Variants in GAS7 observed in about 807,000 individuals in gnomAD.
The protein encoded by GAS7 is growth arrest-specific protein 7.
A neutral mutation model predicts 71.1 loss-of-function variants in GAS7; 28 were observed. The observed-to-expected ratio is 0.39, with a 90% CI of 0.29 to 0.54. GAS7 has a LOEUF of 0.54. GAS7 is among the 20% of genes least tolerant of loss of function. The probability of loss-of-function intolerance (pLI) is 0.62; values close to 1 mark genes in which losing one functional copy is unlikely to be tolerated. For missense variants in GAS7, 436 were observed against 627.8 expected (o/e 0.69, Z 3.27); for synonymous variants, 258 against 245.8 (o/e 1.05, Z -0.46).
intron 2 of GAS7, among the ~76,000 whole-genome samples, chr17:9,984,493 TGAG>T (rs1031891759): frequency 6.6e-5 from 10 of 152,258 alleles, no homozygotes; most frequent in African/African-American, 2.4e-4. Flanking sequence ...GGGTCTTTTA[TGAG>T]GAGTGACAAG....
rs985291080 is a variant in GAS7 at position 9,911,938 on chromosome 17, G to A, written c.*5290C>T. 7 of 232,016 alleles carry A rather than the reference G, an allele frequency of 3.0e-5. No individual in the cohort carries two copies. Among genetic ancestry groups the A allele is most frequent in the Non-Finnish European group, 5.1e-5 (6 of 117,394 alleles). 14.4% of individuals were successfully genotyped at this position (232,016 alleles called of 1,614,324 possible). A position where few individuals can be genotyped will look rare whatever the true frequency, so the allele number is the denominator to read the frequency against. On this transcript the variant is annotated 3_prime_UTR_variant, in exon 14 of 14. Coordinates refer to ENST00000432992, the MANE Select transcript of GAS7 (RefSeq NM_201433.2). The surrounding 1 kb of genome is among the most constrained non-coding windows in gnomAD (Gnocchi z 4.0). Reference sequence around the variant, plus strand: ...TCTGGCCTTAACTGGGTGTGGTCCTGTCCCTGCCACCATGTACCACCATCC... The same window carrying A: ...TCTGGCCTTAACTGGGTGTGGTCCTATCCCTGCCACCATGTACCACCATCC...
intron 1 of GAS7, among the ~76,000 whole-genome samples, chr17:10,073,792 G>A (rs2073364959): frequency 6.6e-6 from 1 of 152,180 alleles, no homozygotes; most frequent in African/African-American, 2.4e-5. Context: ...ATCTCACCCT[G>A]ACTTTTTTCT....
At chr17:9,966,697 CA>C (rs1356491724) in intron 4 of GAS7, among the ~76,000 whole-genome samples, 1 of 151,992 alleles carries the variant, frequency 6.6e-6, no homozygotes, top group Non-Finnish European at 1.5e-5. Flanking sequence ...CAAACCAGGA[CA>C]AAAAGTAGTA....
chr17:10,061,777 C>T (rs774672853), intron 1 of GAS7, among the ~76,000 whole-genome samples: 7 of 152,114 alleles, frequency 4.6e-5, no homozygotes, highest in South Asian at 2.1e-4. Flanking sequence ...CTGTGCTGGG[C>T]GTTCCCACTC....
chr17:10,174,320 A>G (rs1597835353), intron 1 of GAS7, among the ~76,000 whole-genome samples: 1 of 152,248 alleles, frequency 6.6e-6, no homozygotes, highest in East Asian at 1.9e-4. Flanking sequence ...TAGGGGATGC[A>G]GTCTGTAGAA....
intron 4 of GAS7, among the ~76,000 whole-genome samples, chr17:9,966,808 T>G (rs9914940): frequency 0.029 from 4,460 of 152,270 alleles, 201 homozygotes; most frequent in East Asian, 0.095. Flanking sequence ...GAGGTCACAG[T>G]GATCTACGAT....
chr17:10,151,377 G>A (rs1193736789), intron 1 of GAS7, among the ~76,000 whole-genome samples: 1 of 151,736 alleles, frequency 6.6e-6, no homozygotes, highest in Non-Finnish European at 1.5e-5. Flanking sequence ...CTCAGATGAA[G>A]CCTCTTTTAA....
At position 9,926,906 on chromosome 17, in the gene GAS7, G is replaced by A. The variant is rs1004237149; in HGVS notation, c.886-137C>T. Reference sequence around the variant, plus strand: ...TCTGGGGTAGCGACCTGGCAGGAAGGTGAGAGACACCCCCTGACACGTGGC... The same window carrying A: ...TCTGGGGTAGCGACCTGGCAGGAAGATGAGAGACACCCCCTGACACGTGGC... On this transcript the variant is annotated intron_variant, in intron 9 of 13. Transcript: ENST00000432992. The surrounding 1 kb of genome is among the most constrained non-coding windows in gnomAD (Gnocchi z 5.0). 3 of 858,498 alleles carry A rather than the reference G, an allele frequency of 3.5e-6. No individual in the cohort carries two copies. The South Asian group carries it at 4.5e-5, about 13-fold the overall frequency. The allele number at this position is 858,498 out of a possible 1,614,324, so 53.2% of individuals were successfully genotyped here.
At chr17:9,982,620 C>T (rs4458038) in intron 2 of GAS7, among the ~76,000 whole-genome samples, 45,190 of 151,466 alleles carry the variant, frequency 0.3, 6,979 homozygotes, top group Middle Eastern at 0.35. Flanking sequence ...CTACTAAAAA[C>T]ACAAAAATTA....
chr17:9,963,913 T>C lies in GAS7; in HGVS notation c.472-4658A>G, dbSNP rs1014634837. Reference sequence around the variant, plus strand: ...CATTTAAAACAGTAAGTCAGAAATGTGGTTTAAAATAATCTAGGGGGTGGA... The same window carrying C: ...CATTTAAAACAGTAAGTCAGAAATGCGGTTTAAAATAATCTAGGGGGTGGA... On this transcript the variant is annotated intron_variant, in intron 4 of 13. Coordinates refer to ENST00000432992, the MANE Select transcript of GAS7 (RefSeq NM_201433.2). 9.4e-5 allele frequency among the ~76,000 whole-genome samples: 14 copies of C among 149,366 alleles called. 1 individual carries two copies. In the Middle Eastern group the frequency reaches 0.01, roughly 109 times the overall value.
At position 9,946,989 on chromosome 17, in the gene GAS7, G is replaced by A; in HGVS notation, c.526-6C>T. On this transcript the variant is annotated splice_region_variant and splice_polypyrimidine_tract_variant and intron_variant, in intron 5 of 13. Coordinates refer to ENST00000432992, the MANE Select transcript of GAS7 (RefSeq NM_201433.2). Reference sequence around the variant, plus strand: ...GGGAACGTCACACAGTTTATCTGTAGGGCACAGAACAAGAAAGAATGACCC... The same window carrying A: ...GGGAACGTCACACAGTTTATCTGTAAGGCACAGAACAAGAAAGAATGACCC... The A allele has an allele frequency of 6.2e-7, 1 of 1,603,948 alleles. No individual in the cohort carries two copies. The highest frequency in any genetic ancestry group is 1.7e-5 in the Admixed American group (1 of 59,982).
At chr17:10,003,386 T>C (rs565737560) in intron 2 of GAS7, among the ~76,000 whole-genome samples, 1 of 152,336 alleles carries the variant, frequency 6.6e-6, no homozygotes, top group East Asian at 1.9e-4. Flanking sequence ...AGTGACATTG[T>C]CTGTACCAGT....
chr17:10,004,979 C>T (rs1263726676), intron 2 of GAS7, among the ~76,000 whole-genome samples: 1 of 152,112 alleles, frequency 6.6e-6, no homozygotes, highest in Non-Finnish European at 1.5e-5. Context: ...CATTGCACTC[C>T]AGCCTCGGCG....
At chr17:9,971,755 A>T (rs1169432811) in intron 3 of GAS7, among the ~76,000 whole-genome samples, 3 of 152,190 alleles carry the variant, frequency 2.0e-5, no homozygotes, top group Non-Finnish European at 4.4e-5. Context: ...AGATCTACAC[A>T]CTGATGTCCA....
chr17:9,959,447 G>C lies in GAS7; in HGVS notation c.472-192C>G. 5 of 1,433,820 alleles carry C rather than the reference G, an allele frequency of 3.5e-6. No homozygotes were observed. The highest frequency in any genetic ancestry group is 4.6e-6 in the Non-Finnish European group (5 of 1,096,016). 88.8% of individuals were successfully genotyped at this position (1,433,820 alleles called of 1,614,324 possible). On this transcript the variant is annotated intron_variant, in intron 4 of 13. Coordinates refer to ENST00000432992, the MANE Select transcript of GAS7 (RefSeq NM_201433.2). This position sits in a 1 kb window ranked among gnomAD's most constrained non-coding sequence, Gnocchi z 5.0. The stretch of plus-strand genomic sequence containing the variant: ...CACGCTGTTCCCACGCCCAGCTCTC[G>C]GGCTGAAGGCGAATTAAGGAAGCCT...
At chr17:10,152,785 T>C (rs1450505018) in intron 1 of GAS7, among the ~76,000 whole-genome samples, 2 of 152,076 alleles carry the variant, frequency 1.3e-5, no homozygotes, top group Non-Finnish European at 2.9e-5. Flanking sequence ...CCCTGAGAGC[T>C]GAAGATGAGC....
chr17:10,095,357 A>G (rs556889739), intron 1 of GAS7, among the ~76,000 whole-genome samples: 1 of 152,284 alleles, frequency 6.6e-6, no homozygotes, highest in African/African-American at 2.4e-5. Flanking sequence ...TCCAGAAGGA[A>G]CTGCTATCCC....
chr17:10,025,808 C>T (rs2072443745), intron 1 of GAS7, among the ~76,000 whole-genome samples: 1 of 152,142 alleles, frequency 6.6e-6, no homozygotes, highest in South Asian at 2.1e-4. Flanking sequence ...GCTCTAAAGC[C>T]ACTCCGTTGC....
chr17:10,022,143 G>A (rs148415102), intron 1 of GAS7, among the ~76,000 whole-genome samples: 2 of 152,284 alleles, frequency 1.3e-5, no homozygotes, highest in Non-Finnish European at 2.9e-5. Context: ...TGTGGTCCCA[G>A]CTACTTAGGA....
Sources: gnomAD v4.1 joint callset for allele counts (sites outside exome capture counted in the v4.1 genomes callset) on GRCh38, gnomAD v4.1.1 for gene constraint, Gnocchi (gnomAD v3.1) non-coding constraint, MANE v1.5 for transcripts, NCBI Gene and HGNC (gene_info 2026-07-23, HGNC 2026-07-21) for gene names.